ASCC1: variants seen among roughly 807,000 people sequenced by gnomAD.
ASCC1 encodes ASC-1 complex subunit P50.
Under a neutral mutation model 46.6 loss-of-function variants are expected in ASCC1, and 35 were observed. That is an observed-to-expected ratio of 0.75 (90% CI 0.57 to 0.99). The LOEUF (loss-of-function observed/expected upper bound fraction) is 0.99, where lower values mean the gene tolerates loss of function less well. ASCC1 is among the 50% of genes least tolerant of loss of function. ASCC1 has a pLI of 0.00. For synonymous variants in ASCC1, 143 were observed against 146.6 expected (o/e 0.98, Z 0.18); for missense variants, 376 against 428.7 (o/e 0.88, Z 1.09).
chr10:72,097,225 GA>G lies in ASCC1; in HGVS notation c.*108del. 1 of 820,752 alleles carries G rather than the reference GA, an allele frequency of 1.2e-6. No homozygotes were observed. Among genetic ancestry groups the G allele is most frequent in the Non-Finnish European group, 2.2e-6 (1 of 464,262 alleles). 50.8% of individuals were successfully genotyped at this position (820,752 alleles called of 1,614,324 possible). A position where few individuals can be genotyped will look rare whatever the true frequency, so the allele number is the denominator to read the frequency against. ...GGTGAATCTATGGGGAACCACCCAG[GA>G]AAGTCACCATCCAAATGTCCACATC... On this transcript the variant is annotated 3_prime_UTR_variant, in exon 10 of 10. Transcript: ENST00000672957.
At chr10:72,200,200 T>C (rs1440335033) in intron 4 of ASCC1, among the ~76,000 whole-genome samples, 4 of 152,176 alleles carry the variant, frequency 2.6e-5, no homozygotes, top group African/African-American at 9.6e-5. Context: ...AAAAATATTA[T>C]ATAACTTACT....
At chr10:72,122,800 CT>C (rs1844367302) in intron 9 of ASCC1, among the ~76,000 whole-genome samples, 1 of 151,674 alleles carries the variant, frequency 6.6e-6, no homozygotes, top group South Asian at 2.1e-4. Context: ...TAAAAATTAA[CT>C]TTTAAAAAAG....
rs747856343 is a variant in ASCC1 at position 72,153,019 on chromosome 10, A to C, written c.627-31T>G. 15 of 1,613,692 alleles carry C rather than the reference A, an allele frequency of 9.3e-6. No homozygotes were observed. In the South Asian group the frequency reaches 1.6e-4, roughly 18 times the overall value. On this transcript the variant is annotated intron_variant, in intron 6 of 9. Coordinates refer to ENST00000672957, the MANE Select transcript of ASCC1 (RefSeq NM_001198800.3). ...AAGGAAAAAGCATTAAGATATCTAT[A>C]ACTGTTTAAGCTAAGAGGGCTATTT...
chr10:72,186,157 A>G (rs1165762076), intron 5 of ASCC1, among the ~76,000 whole-genome samples: 1 of 151,548 alleles, frequency 6.6e-6, no homozygotes, highest in African/African-American at 2.4e-5. Flanking sequence ...ATAAAAGAAT[A>G]TAACTGTTTT....
intron 5 of ASCC1, chr10:72,180,730 TC>T (rs1304852572): frequency 1.3e-5 from 2 of 151,792 alleles, no homozygotes; most frequent in Admixed American, 1.3e-4. Flanking sequence ...TGAAGACACA[TC>T]TATAGAAACT....
In ASCC1 at chr10:72,194,624, A is replaced by T. The variant is rs115874670; in HGVS notation, c.489+2187T>A. Among the ~76,000 whole-genome samples the T allele has an allele frequency of 1.1e-3, 160 of 152,226 alleles. 4 individuals are homozygous for T. Among genetic ancestry groups the T allele is most frequent in the African/African-American group, 3.2e-3 (134 of 41,518 alleles). On this transcript the variant is annotated intron_variant, in intron 5 of 9. Coordinates refer to ENST00000672957, the MANE Select transcript of ASCC1 (RefSeq NM_001198800.3). ...AAAAATGTATTCAGCACTCATAACA[A>T]AATAGAAATTAAAAAAGTTAAATAA...
chr10:72,188,917 G>A (rs192561938), intron 5 of ASCC1, among the ~76,000 whole-genome samples: 172 of 151,984 alleles, frequency 1.1e-3, no homozygotes, highest in African/African-American at 3.9e-3. Flanking sequence ...CCACCACTGC[G>A]AGCTAATTTT....
intron 7 of ASCC1, among the ~76,000 whole-genome samples, chr10:72,152,423 C>T (rs1423146194): frequency 6.6e-6 from 1 of 152,088 alleles, no homozygotes; most frequent in Admixed American, 6.6e-5. Flanking sequence ...ACGTTTGAAA[C>T]TCATACTCTA....
At chr10:72,120,242 GTAAA>G (rs1220881942) in intron 9 of ASCC1, among the ~76,000 whole-genome samples, 1 of 151,924 alleles carries the variant, frequency 6.6e-6, no homozygotes, top group Non-Finnish European at 1.5e-5. Flanking sequence ...AAATAAATAA[GTAAA>G]TAAATAAATA....
intron 6 of ASCC1, among the ~76,000 whole-genome samples, chr10:72,155,003 T>C (rs1848785106): frequency 6.6e-6 from 1 of 152,150 alleles, no homozygotes. Context: ...TATATAAAAC[T>C]GATATAATAA....
At chr10:72,211,363 C>T (rs1273324936) in intron 2 of ASCC1, among the ~76,000 whole-genome samples, 1 of 152,128 alleles carries the variant, frequency 6.6e-6, no homozygotes, top group Non-Finnish European at 1.5e-5. Flanking sequence ...GTGGATTCAA[C>T]CAACTGCAGA....
chr10:72,133,404 T>C, intron 7 of ASCC1: 1 of 530,008 alleles, frequency 1.9e-6, no homozygotes, highest in South Asian at 2.0e-5. Flanking sequence ...TGGCAATATA[T>C]TATGGTGAGC....
At chr10:72,208,966 C>G (rs1228801355) in intron 3 of ASCC1, among the ~76,000 whole-genome samples, 2 of 152,048 alleles carry the variant, frequency 1.3e-5, no homozygotes, top group African/African-American at 4.8e-5. Flanking sequence ...GAGTTCAAGA[C>G]CGGCCTGGGC....
At chr10:72,203,752 T>A (rs937107587) in intron 3 of ASCC1, among the ~76,000 whole-genome samples, 2 of 152,096 alleles carry the variant, frequency 1.3e-5, no homozygotes, top group African/African-American at 4.8e-5. Context: ...AATGCAGAGA[T>A]AGAAAAACCA....
chr10:72,209,987 T>G (rs112418342), intron 3 of ASCC1, among the ~76,000 whole-genome samples: 13 of 151,900 alleles, frequency 8.6e-5, no homozygotes, highest in African/African-American at 2.9e-4. Context: ...ATCTGGTTGT[T>G]TAAAAGTGTG....
chr10:72,119,825 G>A (rs140601237), intron 9 of ASCC1, among the ~76,000 whole-genome samples: 1 of 152,246 alleles, frequency 6.6e-6, no homozygotes, highest in African/African-American at 2.4e-5. Flanking sequence ...GAACAACTAT[G>A]ATTAATATGC....
chr10:72,186,616 C>T (rs747369884), intron 5 of ASCC1, among the ~76,000 whole-genome samples: 77 of 152,234 alleles, frequency 5.1e-4, no homozygotes, highest in African/African-American at 9.1e-4. Flanking sequence ...TAGCCATCTT[C>T]GTGTCATTCT....
chr10:72,140,380 T>C (rs571015732), intron 7 of ASCC1, among the ~76,000 whole-genome samples: 1 of 152,246 alleles, frequency 6.6e-6, no homozygotes, highest in East Asian at 1.9e-4. Flanking sequence ...AGTATTAAGA[T>C]GATGTCATAC....
At position 72,210,744 on chromosome 10, in the gene ASCC1, C is replaced by G. The variant is rs61758723; in HGVS notation, c.200G>C (p.Ser67Thr). 2.0e-3 allele frequency: 3,293 copies of G among 1,614,088 alleles called. 6 individuals carry two copies. The highest frequency in any genetic ancestry group is 3.2e-3 in the Admixed American group (189 of 59,998). ...QGFRSTLRAP[S>T]LLYKHIVGKR... ...GGACATGACTCACTTATAGAGCAAGCTGGGGGCCCTCAAAGTAGACCGGAA... is the reference window on the plus strand; with the variant it reads ...GGACATGACTCACTTATAGAGCAAGGTGGGGGCCCTCAAAGTAGACCGGAA... The change falls in exon 3 of 10, where the codon AGC becomes ACC. Residue 67 changes from serine (S) to threonine (T), a missense_variant. Coordinates refer to ENST00000672957, the MANE Select transcript of ASCC1 (RefSeq NM_001198800.3).
Sources: gnomAD v4.1 joint callset for allele counts (sites outside exome capture counted in the v4.1 genomes callset) on GRCh38, gnomAD v4.1.1 for gene constraint, MANE v1.5 for transcripts, NCBI Gene and HGNC (gene_info 2026-07-23, HGNC 2026-07-21) for gene names.